Variants in LRMDA observed in about 807,000 individuals in gnomAD.
LRMDA encodes the protein leucine rich melanocyte differentiation associated, also known as leucine-rich melanocyte differentiation-associated protein.
In LRMDA, 18 loss-of-function variants were observed where a neutral mutation model predicts 29.8. That is an observed-to-expected ratio of 0.60 (90% CI 0.42 to 0.90). The LOEUF (loss-of-function observed/expected upper bound fraction) is 0.90. LRMDA is among the 40% of genes least tolerant of loss of function. The pLI is 0.00. For missense variants in LRMDA, 273 were observed against 273.9 expected (o/e 1.00, Z 0.02); for synonymous variants, 125 against 109.4 (o/e 1.14, Z -0.89).
At chr10:76,510,261 G>A (rs986091276) in intron 6 of LRMDA, among the ~76,000 whole-genome samples, 16 of 152,016 alleles carry the variant, frequency 1.1e-4, no homozygotes, top group Admixed American at 1.0e-3. Context: ...AGTAGAAACG[G>A]GGTTTCACCA....
chr10:76,261,819 T>C (rs1445132275), intron 5 of LRMDA, among the ~76,000 whole-genome samples: 1 of 152,214 alleles, frequency 6.6e-6, no homozygotes, highest in African/African-American at 2.4e-5. Context: ...ATAAACTCAT[T>C]GATGTGCCAC....
At chr10:75,743,781 C>T (rs1842859298) in intron 2 of LRMDA, 1 of 152,148 alleles carries the variant, frequency 6.6e-6, no homozygotes, top group Non-Finnish European at 1.5e-5. Context: ...GAATTCTGAG[C>T]ATGTAGGAAG....
At chr10:76,196,260 C>T (rs751468327) in intron 5 of LRMDA, among the ~76,000 whole-genome samples, 12 of 152,266 alleles carry the variant, frequency 7.9e-5, no homozygotes, top group Non-Finnish European at 1.5e-4. Flanking sequence ...TCACTTTGGG[C>T]CTTCTTTGGT....
intron 2 of LRMDA, among the ~76,000 whole-genome samples, chr10:75,927,593 G>T (rs922988391): frequency 6.6e-5 from 10 of 152,144 alleles, no homozygotes; most frequent in Admixed American, 5.2e-4. Context: ...TTCGAGGAAG[G>T]ACCTCCTGAA....
chr10:75,431,809 C>A, intron 1 of LRMDA, 55 bp downstream of exon 1: 1 of 1,293,706 alleles, frequency 7.7e-7, no homozygotes, highest in Non-Finnish European at 9.8e-7. Flanking sequence ...TGGGGAGGGA[C>A]AGCGGGGCAC....
intron 6 of LRMDA, among the ~76,000 whole-genome samples, chr10:76,352,909 G>C (rs1841195093): frequency 6.6e-6 from 1 of 151,946 alleles, no homozygotes; most frequent in Non-Finnish European, 1.5e-5. Context: ...ATCCTACTTT[G>C]GTGTGGGCCA....
At chr10:76,194,961 T>C (rs1237294375) in intron 5 of LRMDA, among the ~76,000 whole-genome samples, 1 of 152,230 alleles carries the variant, frequency 6.6e-6, no homozygotes, top group African/African-American at 2.4e-5. Flanking sequence ...GAAAACTTAT[T>C]TTTTTCTACA....
At chr10:76,120,958 G>A (rs769731246) in intron 5 of LRMDA, among the ~76,000 whole-genome samples, 9 of 151,678 alleles carry the variant, frequency 5.9e-5, no homozygotes, top group African/African-American at 1.9e-4. Flanking sequence ...TCAGTCTCCC[G>A]AGTAGCTGGG....
intron 5 of LRMDA, among the ~76,000 whole-genome samples, chr10:76,136,800 T>C (rs1193377224): frequency 6.6e-6 from 1 of 152,192 alleles, no homozygotes; most frequent in African/African-American, 2.4e-5. Context: ...TTATTAAAAT[T>C]ATATGATGGA....
At chr10:76,416,802 C>T (rs919564227) in intron 6 of LRMDA, among the ~76,000 whole-genome samples, 2 of 152,198 alleles carry the variant, frequency 1.3e-5, no homozygotes, top group Non-Finnish European at 2.9e-5. Flanking sequence ...CTCACACATA[C>T]ACCCTGTTGG....
At chr10:75,721,560 A>G (rs1007963814) in intron 2 of LRMDA, among the ~76,000 whole-genome samples, 1 of 152,136 alleles carries the variant, frequency 6.6e-6, no homozygotes, top group African/African-American at 2.4e-5. Context: ...GTGATGGATT[A>G]TTAGGGATTC....
intron 2 of LRMDA, among the ~76,000 whole-genome samples, chr10:75,471,220 G>T (rs559001003): frequency 1.3e-5 from 2 of 151,968 alleles, no homozygotes; most frequent in South Asian, 2.1e-4. Flanking sequence ...TGGCGGGGGG[G>T]TGGGGTGTGA....
intron 6 of LRMDA, among the ~76,000 whole-genome samples, chr10:76,418,655 T>C (rs1842043438): frequency 6.6e-6 from 1 of 152,022 alleles, no homozygotes; most frequent in South Asian, 2.1e-4. Flanking sequence ...AGTACAATAT[T>C]GAACATAAAT....
chr10:76,177,415 C>CA (rs923155026), intron 5 of LRMDA, among the ~76,000 whole-genome samples: 1 of 151,252 alleles, frequency 6.6e-6, no homozygotes, highest in Non-Finnish European at 1.5e-5. Context: ...AAAAAAACAA[C>CA]AAAAAAACCT....
intron 6 of LRMDA, among the ~76,000 whole-genome samples, chr10:76,338,715 A>C (rs2132416559): frequency 6.6e-6 from 1 of 151,264 alleles, no homozygotes; most frequent in Middle Eastern, 3.4e-3. Flanking sequence ...AAAAAATGTA[A>C]AATAAAATAC....
intron 2 of LRMDA, among the ~76,000 whole-genome samples, chr10:75,751,682 A>AC (rs1004247632): frequency 2.6e-5 from 4 of 151,830 alleles, no homozygotes; most frequent in African/African-American, 7.3e-5. Context: ...TCCACTTCCC[A>AC]CCCCCTAGAC....
chr10:76,266,646 T>C (rs1840009746), intron 5 of LRMDA, among the ~76,000 whole-genome samples: 3 of 152,178 alleles, frequency 2.0e-5, no homozygotes, highest in Admixed American at 2.0e-4. Context: ...GTCTGTCTAC[T>C]AAATTCCATG....
At chr10:76,512,207 T>C (rs910951509) in intron 6 of LRMDA, among the ~76,000 whole-genome samples, 3 of 152,222 alleles carry the variant, frequency 2.0e-5, no homozygotes, top group African/African-American at 7.2e-5. Context: ...GCCATGATTC[T>C]GAGGCCTCCC....
intron 6 of LRMDA, among the ~76,000 whole-genome samples, chr10:76,329,475 GA>G (rs1347055815): frequency 2.6e-5 from 4 of 152,140 alleles, no homozygotes; most frequent in Non-Finnish European, 5.9e-5. Flanking sequence ...CATTGAACTT[GA>G]AATGTGTAAA....
Sources: gnomAD v4.1 joint callset for allele counts (sites outside exome capture counted in the v4.1 genomes callset) on GRCh38, gnomAD v4.1.1 for gene constraint, MANE v1.5 for transcripts, NCBI Gene and HGNC (gene_info 2026-07-23, HGNC 2026-07-21) for gene names.